Variants in DOCK9 observed in about 807,000 individuals in gnomAD.
The protein encoded by DOCK9 is dedicator of cytokinesis protein 9.
DOCK9 carries 89 observed loss-of-function variants against 263.3 expected under a neutral mutation model. The observed-to-expected ratio is 0.34, with a 90% CI of 0.28 to 0.40. DOCK9 has a LOEUF of 0.40. Ranked by LOEUF, DOCK9 falls within the 10% of genes least tolerant of loss-of-function variation. The probability of loss-of-function intolerance (pLI) is 1.00; values close to 1 mark genes in which losing one functional copy is unlikely to be tolerated. For missense variants in DOCK9, 2,140 were observed against 2,603.4 expected (o/e 0.82, Z 3.87); for synonymous variants, 976 against 973.1 (o/e 1.00, Z -0.06).
chr13:98,935,218 T>G (rs372202009), intron 2 of DOCK9, among the ~76,000 whole-genome samples: 2 of 152,138 alleles, frequency 1.3e-5, no homozygotes, highest in South Asian at 4.1e-4. Context: ...GGAGATAAAC[T>G]TGCCCTTGGG....
chr13:98,868,120 T>A (rs535037116), intron 28 of DOCK9, 109 bp from the exon 29 acceptor site: 1 of 1,532,004 alleles, frequency 6.5e-7, no homozygotes, highest in East Asian at 2.3e-5. Context: ...ATAAAAAACA[T>A]GCCATCAACA....
chr13:98,850,347 T>C (rs934599159), intron 35 of DOCK9, among the ~76,000 whole-genome samples: 1 of 152,182 alleles, frequency 6.6e-6, no homozygotes, highest in Non-Finnish European at 1.5e-5. Context: ...CCATCATACG[T>C]CATTTAGTGC....
intron 15 of DOCK9, among the ~76,000 whole-genome samples, chr13:98,894,746 G>A (rs1170541214): frequency 1.3e-5 from 2 of 151,606 alleles, no homozygotes; most frequent in Admixed American, 6.6e-5. Context: ...ACTACCAATA[G>A]AGAAGATTTT....
Position 98,829,165 on chromosome 13 carries a change from A to C in DOCK9, c.4965+142T>G. On this transcript the variant is annotated intron_variant, in intron 43 of 52. Transcript: ENST00000682017. This position sits in a 1 kb window ranked among gnomAD's most constrained non-coding sequence, Gnocchi z 4.1. The stretch of plus-strand genomic sequence containing the variant: ...CTCAGCTAACTATGAAGTCACCCTA[A>C]GCTTCATACTGTTTAAAGTTTTGCA... The C allele has an allele frequency of 1.4e-6, 1 of 719,434 alleles. No homozygotes were observed. The highest frequency in any genetic ancestry group is 2.2e-6 in the Non-Finnish European group (1 of 445,278). The allele number at this position is 719,434 out of a possible 1,614,324, so 44.6% of individuals were successfully genotyped here.
chr13:98,949,666 A>C (rs1350635565), intron 2 of DOCK9: 4 of 183,148 alleles, frequency 2.2e-5, no homozygotes, highest in African/African-American at 9.5e-5. Flanking sequence ...AATAATTCCA[A>C]AAAAACCCAA....
intron 9 of DOCK9, among the ~76,000 whole-genome samples, chr13:98,911,020 T>G (rs1451172902): frequency 6.6e-6 from 1 of 152,168 alleles, no homozygotes. Context: ...CAGCCAAAAC[T>G]GCATTTTTGC....
intron 1 of DOCK9, among the ~76,000 whole-genome samples, chr13:99,024,191 T>C (rs577954348): frequency 4.9e-4 from 74 of 152,264 alleles, no homozygotes; most frequent in Non-Finnish European, 9.6e-4. Context: ...CTAGCATCAG[T>C]GAACACATCT....
At chr13:99,004,339 C>T (rs1274439578) in intron 1 of DOCK9, among the ~76,000 whole-genome samples, 1 of 152,214 alleles carries the variant, frequency 6.6e-6, no homozygotes, top group Non-Finnish European at 1.5e-5. Flanking sequence ...CCTCAGGATT[C>T]TCTTCCAGTT....
chr13:99,047,947 T>C (rs1456802694), intron 1 of DOCK9, among the ~76,000 whole-genome samples: 2 of 152,102 alleles, frequency 1.3e-5, no homozygotes, highest in Non-Finnish European at 2.9e-5. Context: ...CCCTCCTGTA[T>C]AATACCCAAC....
At chr13:98,862,348 G>A (rs1452534069) in intron 32 of DOCK9, among the ~76,000 whole-genome samples, 1 of 152,136 alleles carries the variant, frequency 6.6e-6, no homozygotes, top group East Asian at 1.9e-4. Flanking sequence ...GTTAAGATGA[G>A]GTTATACTGG....
intron 7 of DOCK9, among the ~76,000 whole-genome samples, chr13:98,915,923 AT>A (rs1321432738): frequency 6.6e-6 from 1 of 151,960 alleles, no homozygotes; most frequent in Non-Finnish European, 1.5e-5. Context: ...TTCAGCTCCT[AT>A]TTTTTTAATG....
intron 1 of DOCK9, among the ~76,000 whole-genome samples, chr13:99,028,850 G>A (rs992610482): frequency 1.3e-5 from 2 of 152,158 alleles, no homozygotes; most frequent in African/African-American, 4.8e-5. Context: ...AGTTTTTGTT[G>A]TGTGGAAGTT....
intron 23 of DOCK9, 59 bp from the exon 24 acceptor site, chr13:98,882,066 T>A (rs1008154311): frequency 7.8e-5 from 104 of 1,339,582 alleles, no homozygotes; most frequent in Middle Eastern, 1.8e-4. Context: ...CAGCCTAAAG[T>A]AACTTCCACT....
chr13:99,011,979 C>T (rs116884760), intron 1 of DOCK9, among the ~76,000 whole-genome samples: 206 of 152,212 alleles, frequency 1.4e-3, no homozygotes, highest in Non-Finnish European at 2.6e-3. Context: ...TGCACCACCA[C>T]GCCCAGCTAA....
intron 44 of DOCK9, among the ~76,000 whole-genome samples, 194 bp from the exon 45 acceptor site, chr13:98,824,698 T>C (rs2092452547): frequency 1.3e-5 from 2 of 152,194 alleles, no homozygotes; most frequent in Non-Finnish European, 2.9e-5. Context: ...AACCCTAACC[T>C]CTTTCACTTT....
chr13:98,830,582 G>A (rs1372771054), intron 41 of DOCK9, among the ~76,000 whole-genome samples: 15 of 152,142 alleles, frequency 9.9e-5, no homozygotes, highest in South Asian at 6.2e-4. Flanking sequence ...GTGCTTCCCC[G>A]TAGTTCACTG....
At chr13:99,042,369 G>A (rs1009961319) in intron 1 of DOCK9, among the ~76,000 whole-genome samples, 1 of 152,172 alleles carries the variant, frequency 6.6e-6, no homozygotes, top group African/African-American at 2.4e-5. Context: ...CCAGCGCAAG[G>A]ACACTGTCCA....
intron 30 of DOCK9, among the ~76,000 whole-genome samples, chr13:98,864,964 C>T (rs2093980541): frequency 6.6e-6 from 1 of 152,202 alleles, no homozygotes; most frequent in Non-Finnish European, 1.5e-5. Context: ...TGCCCTCCAC[C>T]ATGATTGGAA....
intron 1 of DOCK9, among the ~76,000 whole-genome samples, chr13:98,957,192 G>C (rs985373626): frequency 1.3e-5 from 2 of 152,226 alleles, no homozygotes; most frequent in African/African-American, 4.8e-5. Flanking sequence ...GATGGAAAGA[G>C]TCTGGGTCCT....
Sources: gnomAD v4.1 joint callset for allele counts (sites outside exome capture counted in the v4.1 genomes callset) on GRCh38, gnomAD v4.1.1 for gene constraint, Gnocchi (gnomAD v3.1) non-coding constraint, MANE v1.5 for transcripts, NCBI Gene and HGNC (gene_info 2026-07-23, HGNC 2026-07-21) for gene names.